Variants in MUC22 observed in about 807,000 individuals in gnomAD.
The protein encoded by MUC22 is mucin 22, also known as mucin-22.
MUC22 carries 24 observed loss-of-function variants against 40.3 expected under a neutral mutation model. The observed-to-expected ratio is 0.60, with a 90% CI of 0.43 to 0.84. The LOEUF (loss-of-function observed/expected upper bound fraction) is 0.84, where lower values mean the gene tolerates loss of function less well. Among genes scored for constraint, MUC22 ranks in the 40% least tolerant of loss-of-function variants. The pLI is 0.00. For synonymous variants in MUC22, 765 were observed against 844.5 expected (o/e 0.91, Z 1.63); for missense variants, 1,926 against 2,130.7 (o/e 0.90, Z 1.89).
rs1766179989 is a variant in MUC22 at position 31,032,982 on chromosome 6, A to C, written c.5055+401A>C. On this transcript the variant is annotated intron_variant, in intron 3 of 3. Coordinates refer to ENST00000561890, the Ensembl canonical transcript of MUC22. This position sits in a 1 kb window ranked among gnomAD's most constrained non-coding sequence, Gnocchi z 4.1. ...GGCATTTGAGACCAGCCTGGCCAAC[A>C]TGGTGAAACTTGTCTTTACTAAAAA... Among the ~76,000 whole-genome samples the C allele has an allele frequency of 6.6e-6, 1 of 152,146 alleles. No homozygotes were observed. The highest frequency in any genetic ancestry group is 1.5e-5 in the Non-Finnish European group (1 of 68,026).
intron 1 of MUC22, among the ~76,000 whole-genome samples, chr6:31,020,007 GTA>G (rs1223272395): frequency 2.0e-5 from 3 of 152,094 alleles, no homozygotes; most frequent in Non-Finnish European, 4.4e-5. Context: ...TCTGCAATAT[GTA>G]TTATTGAAGT....
chr6:31,010,812 T>G (rs1763813392), intron 1 of MUC22, 36 bp downstream of exon 1: 1 of 701,998 alleles, frequency 1.4e-6, no homozygotes, highest in African/African-American at 1.7e-5. Context: ...GAGAGGGGCA[T>G]GGAGGCCACA....
intron 1 of MUC22, among the ~76,000 whole-genome samples, chr6:31,022,643 G>A (rs1279613698): frequency 6.6e-6 from 1 of 152,086 alleles, no homozygotes; most frequent in Non-Finnish European, 1.5e-5. Flanking sequence ...TAAAATGTAT[G>A]ACAACAGTGG....
chr6:31,010,015 G>C (rs1763756365), upstream of MUC22, among the ~76,000 whole-genome samples: 1 of 152,152 alleles, frequency 6.6e-6, no homozygotes, highest in South Asian at 2.1e-4. Context: ...CAGCTGGGAA[G>C]GAGCACTCTG....
chr6:31,022,957 C>G (rs760116705), intron 1 of MUC22, among the ~76,000 whole-genome samples: 9 of 151,874 alleles, frequency 5.9e-5, no homozygotes, highest in Non-Finnish European at 1.3e-4. Context: ...TGGTGAAACC[C>G]TGTCTCTACT....
At chr6:31,026,141 C>A in exon 2 of MUC22, 1 of 1,533,032 alleles carries the variant, frequency 6.5e-7, no homozygotes, top group Non-Finnish European at 8.7e-7. Flanking sequence ...GGCTCTGAGG[C>A]CACCACAACC....
At position 31,020,441 on chromosome 6, in the gene MUC22, C is replaced by CTTTT. The variant is rs3084519; in HGVS notation, c.71-5045_71-5042dup. On this transcript the variant is annotated intron_variant, in intron 1 of 3. Transcript: ENST00000561890. ...GAAGACCTTGCCTCCTGGAAATTGA[C>CTTTT]TTTTTTTTTTTTTTTTTTTGATACG... is the stretch of plus-strand genomic sequence containing the variant. Among the ~76,000 whole-genome samples, 89 of 126,688 alleles carry CTTTT rather than the reference C, an allele frequency of 7.0e-4. 1 individual carries two copies. The highest frequency in any genetic ancestry group is 7.9e-4 in the Non-Finnish European group (49 of 61,772). 83.1% of individuals were successfully genotyped at this position (126,688 alleles called of 152,430 possible).
intron 1 of MUC22, among the ~76,000 whole-genome samples, chr6:31,019,827 C>G (rs1764540136): frequency 6.6e-6 from 1 of 152,178 alleles, no homozygotes; most frequent in South Asian, 2.1e-4. Flanking sequence ...GCACTCCAGC[C>G]TGGGTGACAG....
At chr6:31,007,260 A>G (rs914033934), upstream of MUC22, among the ~76,000 whole-genome samples, 1 of 151,838 alleles carries the variant, frequency 6.6e-6, no homozygotes, top group African/African-American at 2.4e-5. This position sits in a 1 kb window ranked among gnomAD's most constrained non-coding sequence, Gnocchi z 4.0. Flanking sequence ...TCAAGCACAT[A>G]GGACATTTCT....
exon 4 of MUC22, chr6:31,035,282 C>G (rs1052684837): frequency 3.4e-5 from 10 of 298,294 alleles, no homozygotes; most frequent in Non-Finnish European, 5.5e-5. Flanking sequence ...CATCTTCTCT[C>G]CCATTTCCCG....
At chr6:31,025,946 T>G (rs1219921744) in exon 2 of MUC22, 1 of 1,525,776 alleles carries the variant, frequency 6.6e-7, no homozygotes, top group East Asian at 2.5e-5. Context: ...TCCTCCATAA[T>G]TTCTGAGACC....
chr6:31,012,787 CCG>C (rs1763942831), intron 1 of MUC22, among the ~76,000 whole-genome samples: 1 of 120,306 alleles, frequency 8.3e-6, no homozygotes, highest in Non-Finnish European at 1.9e-5. Flanking sequence ...ATGCTGGGCG[CCG>C]TCTCACCCTC....
At chr6:31,018,086 G>A (rs942460988) in intron 1 of MUC22, among the ~76,000 whole-genome samples, 4 of 152,190 alleles carry the variant, frequency 2.6e-5, no homozygotes, top group Admixed American at 1.3e-4. Flanking sequence ...CACTCACGGC[G>A]AGAGTCCACG....
At position 31,032,157 on chromosome 6, in the gene MUC22, C is replaced by G; in HGVS notation, c.4670-39C>G. Reference sequence around the variant, plus strand: ...CACCCCCATTCCCCTTTAATCATCTCTGCTACAAATGCATCATCTTGTGTG... The same window carrying G: ...CACCCCCATTCCCCTTTAATCATCTGTGCTACAAATGCATCATCTTGTGTG... On this transcript the variant is annotated intron_variant, in intron 2 of 3. Coordinates refer to ENST00000561890, the Ensembl canonical transcript of MUC22. This position sits in a 1 kb window ranked among gnomAD's most constrained non-coding sequence, Gnocchi z 4.1. 6.7e-7 allele frequency: 1 copy of G among 1,503,576 alleles called. No individual in the cohort carries two copies. The highest frequency in any genetic ancestry group is 8.8e-7 in the Non-Finnish European group (1 of 1,131,256). 93.1% of individuals were successfully genotyped at this position (1,503,576 alleles called of 1,614,324 possible). A position where few individuals can be genotyped will look rare whatever the true frequency, so the allele number is the denominator to read the frequency against.
exon 2 of MUC22, chr6:31,027,996 C>G (rs749938740): frequency 1.3e-6 from 2 of 1,532,954 alleles, no homozygotes; most frequent in South Asian, 1.2e-5. Context: ...ATTCTGAGAA[C>G]ACCACAGCAT....
intron 1 of MUC22, among the ~76,000 whole-genome samples, chr6:31,020,441 C>CTTTTT (rs3084519): frequency 7.1e-5 from 9 of 126,700 alleles, no homozygotes; most frequent in Admixed American, 8.4e-5. Context: ...TGGAAATTGA[C>CTTTTT]TTTTTTTTTT....
At chr6:31,010,340 T>A (rs1159772512), upstream of MUC22, 1 of 221,062 alleles carries the variant, frequency 4.5e-6, no homozygotes, top group African/African-American at 2.3e-5. Flanking sequence ...CCTTGATTCC[T>A]GTAGGGTACA....
At chr6:31,016,002 T>C (rs1764168992) in intron 1 of MUC22, among the ~76,000 whole-genome samples, 2 of 152,130 alleles carry the variant, frequency 1.3e-5, no homozygotes, top group African/African-American at 4.8e-5. Flanking sequence ...AACTCTGTCG[T>C]TTTATTTTTC....
rs1562606941 is a variant in MUC22 at position 31,027,199 on chromosome 6, ACCGTAGGCT to A, written c.1770_1778del (p.Val591_Ser593del). On this transcript the variant is annotated inframe_deletion, in exon 2 of 4. Coordinates refer to ENST00000561890, the Ensembl canonical transcript of MUC22. ...AGGCTCTGAGACAATCAGAGCCTCT[ACCGTAGGCT>A]CTGAGACCACCACAGTCTCTACCAC... is the stretch of plus-strand genomic sequence containing the variant. The A allele has an allele frequency of 6.7e-6, 10 of 1,494,844 alleles. 4 individuals are homozygous for A. The highest frequency in any genetic ancestry group is 1.4e-5 in the African/African-American group (1 of 71,686). The allele number at this position is 1,494,844 out of a possible 1,614,324, so 92.6% of individuals were successfully genotyped here.
Sources: gnomAD v4.1 joint callset for allele counts (sites outside exome capture counted in the v4.1 genomes callset) on GRCh38, gnomAD v4.1.1 for gene constraint, Gnocchi (gnomAD v3.1) non-coding constraint, MANE v1.5 for transcripts, NCBI Gene and HGNC (gene_info 2026-07-23, HGNC 2026-07-21) for gene names.